LIMA1: variants seen among roughly 807,000 people sequenced by gnomAD.
The protein encoded by LIMA1 is LIM domain and actin binding 1.
Under a neutral mutation model 62.6 loss-of-function variants are expected in LIMA1, and 52 were observed. The observed-to-expected ratio is 0.83, with a 90% CI of 0.67 to 1.05. The LOEUF (loss-of-function observed/expected upper bound fraction) is 1.05, where lower values mean the gene tolerates loss of function less well. LIMA1 is among the 50% of genes least tolerant of loss of function. The probability of loss-of-function intolerance (pLI) is 0.00; values close to 1 mark genes in which losing one functional copy is unlikely to be tolerated. For missense variants in LIMA1, 780 were observed against 902.2 expected, an observed-to-expected ratio of 0.86 and a Z score of 1.74; for synonymous variants, 302 against 317.8, an observed-to-expected ratio of 0.95 and a Z score of 0.53.
At chr12:50,209,576 A>AG (rs1227720478) in intron 4 of LIMA1, among the ~76,000 whole-genome samples, 1 of 126,184 alleles carries the variant, frequency 7.9e-6, no homozygotes, top group Non-Finnish European at 1.7e-5. Flanking sequence ...TCAAAAAAAA[A>AG]AAAAAAAAAA....
chr12:50,207,826 G>A (rs1233479670), intron 4 of LIMA1, among the ~76,000 whole-genome samples: 1 of 150,426 alleles, frequency 6.6e-6, no homozygotes, highest in East Asian at 2.0e-4. Flanking sequence ...GGGGGCAGAG[G>A]TTGCAGGGAG....
intron 4 of LIMA1, among the ~76,000 whole-genome samples, chr12:50,217,414 C>T (rs1941361873): frequency 6.6e-6 from 1 of 152,036 alleles, no homozygotes. Context: ...ATAGCAAAAG[C>T]CAGAGGCTTA....
At chr12:50,280,547 C>G (rs948887891) in intron 1 of LIMA1, among the ~76,000 whole-genome samples, 1 of 152,150 alleles carries the variant, frequency 6.6e-6, no homozygotes, top group African/African-American at 2.4e-5. Flanking sequence ...TGAGTGGACA[C>G]AGGAAGTCTC....
In LIMA1 at chr12:50,222,100, G is replaced by A. The variant is rs200403151; in HGVS notation, c.551C>T (p.Ser184Leu). Residue 184 changes from serine (S) to leucine (L), a missense_variant, in exon 4 of 11, where the codon TCG becomes TTG. Transcript: ENST00000341247. ...KSEISENTDASGKIEKYNVPL... is the reference protein window; with the variant it reads ...KSEISENTDALGKIEKYNVPL... ...AACATTATATTTCTCTATTTTGCCC[G>A]AAGCATCTGTGTTTTCACTGATTTC... 33 of 1,613,948 alleles carry A rather than the reference G, an allele frequency of 2.0e-5. No homozygotes were observed. The highest frequency in any genetic ancestry group is 2.0e-4 in the East Asian group (9 of 44,896).
intron 10 of LIMA1, among the ~76,000 whole-genome samples, chr12:50,180,374 C>G (rs1279145883): frequency 6.6e-6 from 1 of 151,762 alleles, no homozygotes; most frequent in Non-Finnish European, 1.5e-5. Context: ...ACTCAGGAGA[C>G]TGAGGCATGA....
At chr12:50,265,251 T>C (rs1217797139) in intron 1 of LIMA1, among the ~76,000 whole-genome samples, 1 of 152,114 alleles carries the variant, frequency 6.6e-6, no homozygotes, top group East Asian at 1.9e-4. Flanking sequence ...GCCAGGGTGG[T>C]GGCTCATGCC....
At chr12:50,270,216 C>A (rs1432098956) in intron 1 of LIMA1, among the ~76,000 whole-genome samples, 3 of 75,384 alleles carry the variant, frequency 4.0e-5, no homozygotes, top group Admixed American at 2.2e-4. Flanking sequence ...GCCTGGGCAA[C>A]AAGAGTGAAA....
At chr12:50,215,885 AC>A (rs1941337463) in intron 4 of LIMA1, among the ~76,000 whole-genome samples, 1 of 152,114 alleles carries the variant, frequency 6.6e-6, no homozygotes, top group African/African-American at 2.4e-5. Flanking sequence ...CCCCGTCTCT[AC>A]TAAAAATACA....
intron 1 of LIMA1, among the ~76,000 whole-genome samples, chr12:50,268,670 C>T (rs1942169052): frequency 6.6e-6 from 1 of 151,846 alleles, no homozygotes; most frequent in Non-Finnish European, 1.5e-5. Flanking sequence ...AACTCCTGGG[C>T]TCAAGCGATC....
In LIMA1 at chr12:50,261,746, A is replaced by G. The variant is rs550926979; in HGVS notation, c.-23-12972T>C. ...GCAGTGGTGTGATCATAATTATTGC[A>G]GCCTCGAACTCCTGGGCTCAAGCGA... On this transcript the variant is annotated intron_variant, in intron 1 of 10. Coordinates refer to ENST00000341247, the MANE Select transcript of LIMA1 (RefSeq NM_016357.5). 1.6e-3 allele frequency among the ~76,000 whole-genome samples: 243 copies of G among 152,216 alleles called. 7 individuals are homozygous for G. Among genetic ancestry groups the G allele is most frequent in the South Asian group, 1.5e-3 (7 of 4,822 alleles).
intron 7 of LIMA1, 144 bp from the exon 8 acceptor site, chr12:50,196,031 C>G (rs899617380): frequency 3.8e-5 from 28 of 742,550 alleles, no homozygotes; most frequent in Non-Finnish European, 5.6e-5. Context: ...GGCACCAGAA[C>G]AGCTGAGCAT....
chr12:50,205,927 G>A (rs1006432447), intron 5 of LIMA1, 57 bp downstream of exon 5: 22 of 1,265,578 alleles, frequency 1.7e-5, no homozygotes, highest in Middle Eastern at 1.9e-4. Flanking sequence ...TCCAAAAGAT[G>A]TTACTACTAG....
intron 8 of LIMA1, 54 bp from the exon 9 acceptor site, chr12:50,192,615 A>T: frequency 7.1e-7 from 1 of 1,402,032 alleles, no homozygotes; most frequent in Non-Finnish European, 1.0e-6. Context: ...AATGTCTTGG[A>T]AAGTGTTCTT....
chr12:50,179,868 T>G (rs1283154419), intron 10 of LIMA1, among the ~76,000 whole-genome samples: 2 of 150,930 alleles, frequency 1.3e-5, no homozygotes, highest in Admixed American at 1.3e-4. Context: ...AGTCTCAGCC[T>G]CCCCAAATTT....
intron 3 of LIMA1, among the ~76,000 whole-genome samples, chr12:50,230,351 C>G (rs572643231): frequency 6.6e-6 from 1 of 151,604 alleles, no homozygotes; most frequent in East Asian, 2.0e-4. Context: ...GACACAATTT[C>G]TTTATTGTCT....
At chr12:50,218,895 T>TAAAAAAA (rs1409254811) in intron 4 of LIMA1, among the ~76,000 whole-genome samples, 22 of 73,998 alleles carry the variant, frequency 3.0e-4, no homozygotes, top group African/African-American at 1.0e-3. Flanking sequence ...CCTATCTCCA[T>TAAAAAAA]AAAAAAAAAA....
At chr12:50,201,480 A>G (rs11169315) in intron 6 of LIMA1, 9 of 982,132 alleles carry the variant, frequency 9.2e-6, no homozygotes, top group Non-Finnish European at 1.1e-5. Context: ...TTACTTCTCA[A>G]AACAGAGCCT....
intron 10 of LIMA1, among the ~76,000 whole-genome samples, chr12:50,178,706 T>C (rs914617375): frequency 1.3e-5 from 2 of 151,984 alleles, no homozygotes; most frequent in African/African-American, 4.8e-5. Context: ...CTCAGATCAC[T>C]ATCCCTTCTT....
At chr12:50,193,994 TATA>T (rs1276695290) in intron 8 of LIMA1, among the ~76,000 whole-genome samples, 4 of 48,284 alleles carry the variant, frequency 8.3e-5, no homozygotes, top group African/African-American at 5.7e-5. Flanking sequence ...TATATATATA[TATA>T]TTTTTTTTGA....
Sources: allele counts gnomAD v4.1 joint callset (sites outside exome capture counted in the v4.1 genomes callset), GRCh38; gene constraint gnomAD v4.1.1; transcripts MANE v1.5; gene names NCBI Gene and HGNC (gene_info 2026-07-23, HGNC 2026-07-21).